FRMD3: variants seen among roughly 807,000 people sequenced by gnomAD.
FRMD3 encodes the protein FERM domain-containing protein 3.
In FRMD3, 33 loss-of-function variants were observed where a neutral mutation model predicts 70.2. That is an observed-to-expected ratio of 0.47 (90% CI 0.36 to 0.63). The LOEUF is 0.63. FRMD3 is among the 20% of genes least tolerant of loss of function. The pLI, the probability that FRMD3 is intolerant of heterozygous loss-of-function variation, is 0.00. For missense variants in FRMD3, 632 were observed against 711.4 expected, an observed-to-expected ratio of 0.89 and a Z score of 1.27; for synonymous variants, 279 against 255.9, an observed-to-expected ratio of 1.09 and a Z score of -0.86.
At chr9:83,520,745 T>C (rs1829552690) in intron 1 of FRMD3, among the ~76,000 whole-genome samples, 1 of 152,108 alleles carries the variant, frequency 6.6e-6, no homozygotes, top group African/African-American at 2.4e-5. Context: ...CGATACTTAT[T>C]TCCTGGAATT....
intron 1 of FRMD3, among the ~76,000 whole-genome samples, chr9:83,471,546 T>C (rs1165847476): frequency 6.6e-6 from 1 of 152,144 alleles, no homozygotes; most frequent in Non-Finnish European, 1.5e-5. Context: ...CAAGGCTGGA[T>C]GAGCAGGTCC....
intron 13 of FRMD3, among the ~76,000 whole-genome samples, chr9:83,273,127 A>G: frequency 6.6e-6 from 1 of 152,150 alleles, no homozygotes; most frequent in Non-Finnish European, 1.5e-5. Flanking sequence ...CCCATCTGGG[A>G]GGTGTACCCA....
At chr9:83,494,833 A>ATGTGTGTGTGTGTGTGTG (rs377201441) in intron 1 of FRMD3, among the ~76,000 whole-genome samples, 61 of 149,424 alleles carry the variant, frequency 4.1e-4, no homozygotes, top group African/African-American at 1.4e-3. Context: ...CTGTGCATTT[A>ATGTGTGTGTGTGTGTGTG]TGTGTGTGTG....
Position 83,363,553 on chromosome 9 carries a change from C to CTTTTTTTT in FRMD3, c.295+9352_295+9359dup, listed in dbSNP as rs34789292. ...GATTTGCTGGACCAAGAGACATAGGCTTTTTTTTTTTTTTTTTTTTGAGAC... is the reference window on the plus strand; with the variant it reads ...GATTTGCTGGACCAAGAGACATAGGCTTTTTTTTTTTTTTTTTTTTTTTTTTTTGAGAC... On this transcript the variant is annotated intron_variant, in intron 3 of 13. Coordinates refer to ENST00000304195, the MANE Select transcript of FRMD3 (RefSeq NM_174938.6). 5.3e-5 allele frequency among the ~76,000 whole-genome samples: 6 copies of CTTTTTTTT among 113,336 alleles called. 1 individual carries two copies. Among genetic ancestry groups the CTTTTTTTT allele is most frequent in the Non-Finnish European group, 7.1e-5 (4 of 56,620 alleles). 74.4% of individuals were successfully genotyped at this position (113,336 alleles called of 152,430 possible).
intron 1 of FRMD3, among the ~76,000 whole-genome samples, chr9:83,398,787 C>T (rs560049281): frequency 6.6e-6 from 1 of 151,920 alleles, no homozygotes; most frequent in South Asian, 2.1e-4. Context: ...GTTTTTGTGC[C>T]CAGTAAGTAT....
intron 1 of FRMD3, among the ~76,000 whole-genome samples, chr9:83,475,856 G>A (rs7048137): frequency 0.019 from 2,901 of 152,178 alleles, 92 homozygotes; most frequent in African/African-American, 0.065. Flanking sequence ...GAATAAATGA[G>A]CGAAGATACA....
chr9:83,372,584 C>A (rs72743096), intron 3 of FRMD3, among the ~76,000 whole-genome samples: 1 of 151,872 alleles, frequency 6.6e-6, no homozygotes, highest in African/African-American at 2.4e-5. Context: ...TAACCAGCAA[C>A]CCTCATAATC....
At chr9:83,378,838 C>CACTA (rs1166119836) in intron 2 of FRMD3, among the ~76,000 whole-genome samples, 1 of 121,366 alleles carries the variant, frequency 8.2e-6, no homozygotes, top group African/African-American at 3.7e-5. Context: ...AATATATATA[C>CACTA]TATATATAAA....
At chr9:83,259,528 C>T (rs1832889651) in intron 13 of FRMD3, among the ~76,000 whole-genome samples, 1 of 152,092 alleles carries the variant, frequency 6.6e-6, no homozygotes, top group East Asian at 1.9e-4. Context: ...TGAGAAAAAC[C>T]TTTGGAAATT....
chr9:83,530,676 C>A (rs1829775525), intron 1 of FRMD3, among the ~76,000 whole-genome samples: 2 of 152,130 alleles, frequency 1.3e-5, no homozygotes, highest in South Asian at 2.1e-4. Context: ...AAAAGGCAAA[C>A]AATATCTTAG....
At chr9:83,551,609 C>T in the FRMD3 span, among the ~76,000 whole-genome samples, 1 of 151,906 alleles carries the variant, frequency 6.6e-6, no homozygotes. Flanking sequence ...AGGTCCCAAG[C>T]TTTTTTTGCT....
intron 2 of FRMD3, among the ~76,000 whole-genome samples, chr9:83,376,192 A>G (rs1305267219): frequency 7.2e-6 from 1 of 138,388 alleles, no homozygotes; most frequent in Admixed American, 7.2e-5. Flanking sequence ...AAAAAAAACC[A>G]CCTGACAGGT....
intron 13 of FRMD3, among the ~76,000 whole-genome samples, chr9:83,272,551 C>A (rs1833607692): frequency 6.6e-6 from 1 of 152,162 alleles, no homozygotes; most frequent in Non-Finnish European, 1.5e-5. Flanking sequence ...TGAGGAGCAT[C>A]TCTGCCTGGC....
intron 1 of FRMD3, among the ~76,000 whole-genome samples, chr9:83,504,406 T>G (rs1029859053): frequency 6.6e-6 from 1 of 152,102 alleles, no homozygotes; most frequent in African/African-American, 2.4e-5. Flanking sequence ...ACCAAAGCTT[T>G]CCAATGGCTT....
chr9:83,399,340 T>C (rs1029323983), intron 1 of FRMD3, among the ~76,000 whole-genome samples: 1 of 152,232 alleles, frequency 6.6e-6, no homozygotes, highest in Non-Finnish European at 1.5e-5. Flanking sequence ...TTCTAAAAGA[T>C]GCCTTGTGTA....
upstream of FRMD3, chr9:83,538,410 C>G (rs1198238347): frequency 4.6e-6 from 2 of 435,040 alleles, no homozygotes; most frequent in African/African-American, 4.1e-5. The surrounding 1 kb of genome is among the most constrained non-coding windows in gnomAD (Gnocchi z 4.7). Flanking sequence ...GCGGGCGGGT[C>G]CCTCCCTCTG....
At chr9:83,426,931 G>A (rs78874840) in intron 1 of FRMD3, among the ~76,000 whole-genome samples, 2,004 of 152,232 alleles carry the variant, frequency 0.013, 35 homozygotes, top group African/African-American at 0.046. Context: ...ACTTGGAGAA[G>A]GGAACTTAGC....
chr9:83,436,664 T>C (rs1827143022), intron 1 of FRMD3, among the ~76,000 whole-genome samples: 1 of 152,084 alleles, frequency 6.6e-6, no homozygotes, highest in Non-Finnish European at 1.5e-5. Flanking sequence ...CACTCTGTCC[T>C]GGACCTAGAC....
chr9:83,452,345 T>G (rs1827684134), intron 1 of FRMD3, among the ~76,000 whole-genome samples: 1 of 152,106 alleles, frequency 6.6e-6, no homozygotes. Context: ...CCTCAAACCT[T>G]GTTACAACGT....
Sources: gnomAD v4.1 joint callset for allele counts (sites outside exome capture counted in the v4.1 genomes callset) on GRCh38, gnomAD v4.1.1 for gene constraint, Gnocchi (gnomAD v3.1) non-coding constraint, MANE v1.5 for transcripts, NCBI Gene and HGNC (gene_info 2026-07-23, HGNC 2026-07-21) for gene names.